The following PSPC1 variants were observed in gnomAD, a reference collection of about 807,000 sequenced individuals.
PSPC1 encodes the protein paraspeckle protein 1.
PSPC1 carries 14 observed loss-of-function variants against 51.6 expected under a neutral mutation model. The observed-to-expected ratio is 0.27, with a 90% CI of 0.18 to 0.42. The LOEUF is 0.42. PSPC1 is among the 10% of genes least tolerant of loss of function. The pLI is 1.00. For synonymous variants in PSPC1, 193 were observed against 231.9 expected (o/e 0.83, Z 1.53); for missense variants, 406 against 701.1 (o/e 0.58, Z 4.75).
At chr13:19,707,616 G>C (rs916070793) in intron 7 of PSPC1, among the ~76,000 whole-genome samples, 5 of 152,120 alleles carry the variant, frequency 3.3e-5, no homozygotes. Flanking sequence ...AGAGTTAAGT[G>C]CTAAAATGTA....
At chr13:19,677,611 A>G (rs767232357) in intron 7 of PSPC1, 3 of 373,764 alleles carry the variant, frequency 8.0e-6, no homozygotes, top group East Asian at 7.6e-5. Context: ...GGACCATTAC[A>G]TATCTTCATT....
intron 2 of PSPC1, among the ~76,000 whole-genome samples, chr13:19,768,916 C>G (rs906280194): frequency 2.7e-5 from 4 of 149,778 alleles, no homozygotes; most frequent in Non-Finnish European, 4.4e-5. Context: ...AGGTGGATCA[C>G]TTGAGGCCAG....
chr13:19,777,881 G>A (rs1889333719), intron 1 of PSPC1, among the ~76,000 whole-genome samples: 1 of 151,956 alleles, frequency 6.6e-6, no homozygotes, highest in Non-Finnish European at 1.5e-5. Context: ...GGGAGGCAGA[G>A]GTTGCAGTGA....
chr13:19,745,229 G>C (rs1271631243), intron 4 of PSPC1, among the ~76,000 whole-genome samples: 1 of 152,136 alleles, frequency 6.6e-6, no homozygotes, highest in Non-Finnish European at 1.5e-5. Flanking sequence ...TGAGGCAGAA[G>C]AATCACTTGA....
At chr13:19,705,154 G>C (rs1248028935) in intron 8 of PSPC1, among the ~76,000 whole-genome samples, 3 of 152,232 alleles carry the variant, frequency 2.0e-5, no homozygotes, top group African/African-American at 7.2e-5. Context: ...TATATACTGA[G>C]GTACCACAGC....
At chr13:19,781,929 CTT>C (rs1890015411) in intron 1 of PSPC1, among the ~76,000 whole-genome samples, 1 of 152,238 alleles carries the variant, frequency 6.6e-6, no homozygotes, top group Admixed American at 6.5e-5. Flanking sequence ...TCTGGTCCGA[CTT>C]AAGCTTCCTT....
chr13:19,736,705 A>T (rs1398554611), intron 5 of PSPC1, among the ~76,000 whole-genome samples: 1 of 152,114 alleles, frequency 6.6e-6, no homozygotes, highest in Non-Finnish European at 1.5e-5. Context: ...AAAATAAAAT[A>T]AAAAATTACA....
intron 6 of PSPC1, among the ~76,000 whole-genome samples, chr13:19,717,266 T>C (rs1882209007): frequency 6.6e-6 from 1 of 151,658 alleles, no homozygotes; most frequent in African/African-American, 2.4e-5. Context: ...ATGAATCTTT[T>C]CTAATAAAAG....
intron 6 of PSPC1, among the ~76,000 whole-genome samples, chr13:19,683,812 C>T (rs965761725): frequency 2.6e-5 from 4 of 151,804 alleles, no homozygotes; most frequent in Non-Finnish European, 5.9e-5. Context: ...TTAACTTTTT[C>T]AGGAAAAAAA....
At chr13:19,733,786 A>T (rs866328220) in intron 5 of PSPC1, among the ~76,000 whole-genome samples, 70 of 141,864 alleles carry the variant, frequency 4.9e-4, no homozygotes, top group African/African-American at 8.6e-4. Flanking sequence ...AAGAAAAAAA[A>T]ATATATATAT....
chr13:19,736,911 T>C (rs1369966098), intron 5 of PSPC1: 1 of 152,174 alleles, frequency 6.6e-6, no homozygotes, highest in Non-Finnish European at 1.5e-5. Context: ...TCACTAATCT[T>C]TTTTTAAAGA....
intron 2 of PSPC1, among the ~76,000 whole-genome samples, chr13:19,764,230 C>T (rs879680947): frequency 1.3e-5 from 2 of 152,018 alleles, no homozygotes; most frequent in African/African-American, 2.4e-5. Flanking sequence ...TTGTGAAAAC[C>T]ACTTAAGACT....
intron 6 of PSPC1, among the ~76,000 whole-genome samples, chr13:19,695,580 T>A (rs1879106952): frequency 6.6e-6 from 1 of 152,192 alleles, no homozygotes; most frequent in African/African-American, 2.4e-5. Flanking sequence ...TAAAGTTCTA[T>A]GGCTGCCCAG....
intron 6 of PSPC1, among the ~76,000 whole-genome samples, chr13:19,711,698 C>A (rs1881464447): frequency 7.0e-6 from 1 of 143,004 alleles, no homozygotes; most frequent in Admixed American, 7.0e-5. Flanking sequence ...AAAAAATTAG[C>A]TGGGCAGTAG....
At chr13:19,726,707 A>G (rs886185608) in intron 6 of PSPC1, among the ~76,000 whole-genome samples, 1 of 152,202 alleles carries the variant, frequency 6.6e-6, no homozygotes. Flanking sequence ...CCTGGGCAAC[A>G]TATCAAGACC....
rs550091861 is a variant in PSPC1, at chr13:19,763,753, C to T, written c.675-4335G>A. Among the ~76,000 whole-genome samples, 6 of 152,262 alleles carry T rather than the reference C, an allele frequency of 3.9e-5. No individual in the cohort carries two copies. The South Asian group carries it at 8.3e-4, about 21-fold the overall frequency. On this transcript the variant is annotated intron_variant, in intron 2 of 8. Coordinates refer to ENST00000338910, the MANE Select transcript of PSPC1 (RefSeq NM_001354909.2). ...TGGTGGCTCACGTTGGTAATCTCAA[C>T]GCCTTGGGAGGCCAAGGCAAGTGTA...
At chr13:19,745,543 A>G (rs1170977827) in intron 4 of PSPC1, among the ~76,000 whole-genome samples, 1 of 152,156 alleles carries the variant, frequency 6.6e-6, no homozygotes, top group Admixed American at 6.6e-5. Flanking sequence ...TTTATTTTCT[A>G]AAAATACTAG....
At position 19,741,619 on chromosome 13, in the gene PSPC1, C is replaced by A. The variant is rs778803294; in HGVS notation, c.998G>T (p.Arg333Leu). The A allele has an allele frequency of 6.2e-6, 10 of 1,605,748 alleles. No individual in the cohort carries two copies. The highest frequency in any genetic ancestry group is 8.5e-6 in the Non-Finnish European group (10 of 1,174,900). ...DLMRRQEELR[R>L]LEELRNQELQ... is the part of the protein sequence containing the mutation. ...CTCTTGGTTTCTGAGTTCTTCCAAG[C>A]GTCTGAGTTCTTCTTGACGCCTCAT... Residue 333 changes from arginine (R) to leucine (L), a missense_variant, in exon 5 of 9, where the codon CGC becomes CTC. Physicochemically the swap from Arg to Leu is moderately radical, Grantham distance 102 (BLOSUM62 -2). This residue lies in a region of PSPC1 where 180 missense variants were observed against 337.9 expected (regional missense o/e 0.53). Transcript: ENST00000338910.
intron 6 of PSPC1, among the ~76,000 whole-genome samples, chr13:19,693,602 C>A (rs114302198): frequency 6.6e-6 from 1 of 152,124 alleles, no homozygotes; most frequent in Non-Finnish European, 1.5e-5. Flanking sequence ...CTTGTATGTA[C>A]GACCAAACCT....
Sources: allele counts gnomAD v4.1 joint callset (sites outside exome capture counted in the v4.1 genomes callset), GRCh38; gene constraint gnomAD v4.1.1; regional missense constraint gnomAD v4.1.1; transcripts MANE v1.5; gene names NCBI Gene and HGNC (gene_info 2026-07-23, HGNC 2026-07-21).